ZNF33B: variants seen among roughly 807,000 people sequenced by gnomAD.
The protein encoded by ZNF33B is zinc finger protein 11b (KOX 2).
A neutral mutation model predicts 45.8 loss-of-function variants in ZNF33B; 29 were observed. The ratio of observed to expected loss-of-function variants is 0.63; its 90% confidence interval spans 0.47 to 0.86. ZNF33B has a LOEUF of 0.86. Ranked by LOEUF, ZNF33B falls within the 40% of genes least tolerant of loss-of-function variation. The pLI is 0.00. For synonymous variants in ZNF33B, 305 were observed against 307.8 expected (o/e 0.99, Z 0.10); for missense variants, 831 against 909.9 (o/e 0.91, Z 1.12).
chr10:42,580,101 T>C (rs1836802839), intron 1 of ZNF33B, among the ~76,000 whole-genome samples: 1 of 152,190 alleles, frequency 6.6e-6, no homozygotes, highest in South Asian at 2.1e-4. Context: ...ATATAGGTAA[T>C]ATGGTCACCA....
At chr10:42,631,158 A>C (rs1013208655) in intron 4 of ZNF33B, among the ~76,000 whole-genome samples, 1 of 152,074 alleles carries the variant, frequency 6.6e-6, no homozygotes, top group Admixed American at 6.6e-5. Context: ...ATACATAAAC[A>C]TAAGTATACA....
chr10:42,621,710 T>A (rs1838599744), intron 4 of ZNF33B, among the ~76,000 whole-genome samples: 1 of 152,146 alleles, frequency 6.6e-6, no homozygotes, highest in East Asian at 1.9e-4. Context: ...TTCTTCAACA[T>A]GATAAAGGGC....
chr10:42,614,668 A>C (rs1330531214), intron 4 of ZNF33B, among the ~76,000 whole-genome samples: 1 of 152,112 alleles, frequency 6.6e-6, no homozygotes, highest in African/African-American at 2.4e-5. Context: ...AAGATGTTCA[A>C]CATCAGTCCG....
intron 4 of ZNF33B, among the ~76,000 whole-genome samples, chr10:42,615,143 A>G (rs1274280427): frequency 6.6e-6 from 1 of 152,224 alleles, no homozygotes; most frequent in Admixed American, 6.5e-5. Context: ...TACTGTGGCT[A>G]CTATGAGAAA....
At chr10:42,632,861 C>A (rs1400747310) in intron 2 of ZNF33B, 2 of 186,924 alleles carry the variant, frequency 1.1e-5, no homozygotes, top group African/African-American at 4.8e-5. Flanking sequence ...CCTTCATAAG[C>A]ACGGGGCCAT....
chr10:42,623,910 G>C (rs1193629596), intron 4 of ZNF33B, among the ~76,000 whole-genome samples: 2 of 152,188 alleles, frequency 1.3e-5, no homozygotes, highest in African/African-American at 4.8e-5. Context: ...AATTTCTTTT[G>C]CATTTTTGTC....
Position 42,593,140 on chromosome 10 carries a change from T to C in ZNF33B, c.1810A>G (p.Thr604Ala). 4 of 1,613,908 alleles carry C rather than the reference T, an allele frequency of 2.5e-6. No homozygotes were observed. Among genetic ancestry groups the C allele is most frequent in the African/African-American group, 2.7e-5 (2 of 74,972 alleles). ...TTACATTCATAGGGTTTCTCCCCTGTATGTGTTCTATTATGTTTTGTTAGG... is the reference window on the plus strand; with the variant it reads ...TTACATTCATAGGGTTTCTCCCCTGCATGTGTTCTATTATGTTTTGTTAGG... ...SYLTKHNRTH[T>A]GEKPYECNEC... The change falls in exon 5 of 5, where the codon ACA becomes GCA. Residue 604 changes from threonine to alanine, a missense_variant. Physicochemically the swap from Thr to Ala is moderately conservative, Grantham distance 58. Transcript: ENST00000359467.
downstream of ZNF33B, among the ~76,000 whole-genome samples, chr10:42,586,343 G>A (rs1836935997): frequency 1.3e-5 from 2 of 152,014 alleles, no homozygotes; most frequent in African/African-American, 4.8e-5. Context: ...TAGAGACGGG[G>A]TTTCACCGTG....
downstream of ZNF33B, among the ~76,000 whole-genome samples, chr10:42,585,927 T>C (rs1836925277): frequency 6.6e-6 from 1 of 152,230 alleles, no homozygotes; most frequent in African/African-American, 2.4e-5. Flanking sequence ...ATGGCTGTCT[T>C]TCCCACAATT....
intron 4 of ZNF33B, among the ~76,000 whole-genome samples, chr10:42,615,276 T>C (rs1838266704): frequency 6.6e-6 from 1 of 152,188 alleles, no homozygotes; most frequent in Admixed American, 6.5e-5. Context: ...CATGAACAAT[T>C]ACAGCAGAAT....
chr10:42,637,516 G>C (rs924867780), intron 1 of ZNF33B, among the ~76,000 whole-genome samples: 1 of 152,144 alleles, frequency 6.6e-6, no homozygotes, highest in Non-Finnish European at 1.5e-5. Flanking sequence ...AAGTAGTACT[G>C]GCTTAGGGGT....
rs199597704 is a variant in ZNF33B at position 42,582,756 on chromosome 10, G to A, written c.74-8078C>T. The A allele has an allele frequency of 7.6e-5, 14 of 185,336 alleles. No homozygotes were observed. In the East Asian group the frequency reaches 2.0e-3, roughly 26 times the overall value. 11.5% of individuals were successfully genotyped at this position (185,336 alleles called of 1,614,324 possible). On this transcript the variant is annotated intron_variant, in intron 1 of 1. Transcript: ENST00000462075. Reference sequence around the variant, plus strand: ...TTTCAAAACCAGATAGGACACCTGAGGCTGAGCTGGCTGCAGTGTGGACGC... The same window carrying A: ...TTTCAAAACCAGATAGGACACCTGAAGCTGAGCTGGCTGCAGTGTGGACGC...
At chr10:42,578,862 C>T (rs1194275618) in intron 1 of ZNF33B, 1 of 152,226 alleles carries the variant, frequency 6.6e-6, no homozygotes, top group Non-Finnish European at 1.5e-5. Context: ...CAGAAAATGT[C>T]TGGTGTCATA....
intron 2 of ZNF33B, among the ~76,000 whole-genome samples, chr10:42,635,809 C>CA (rs35517157): frequency 0.056 from 5,793 of 102,744 alleles, 296 homozygotes; most frequent in African/African-American, 0.15. Flanking sequence ...ACTCTGTATC[C>CA]AAAAAAAAAA....
chr10:42,595,565 T>C (rs1837361174), intron 4 of ZNF33B, among the ~76,000 whole-genome samples: 1 of 152,156 alleles, frequency 6.6e-6, no homozygotes, highest in Non-Finnish European at 1.5e-5. Context: ...AGTGTGACTG[T>C]ATTTGAAGAT....
intron 4 of ZNF33B, among the ~76,000 whole-genome samples, chr10:42,595,885 T>C (rs1308650873): frequency 6.6e-6 from 1 of 152,156 alleles, no homozygotes; most frequent in Non-Finnish European, 1.5e-5. Context: ...ACCCAGTCTG[T>C]TGAATTTTGT....
At chr10:42,622,794 T>TGAAAATAAAGTTA (rs762946530) in intron 4 of ZNF33B, among the ~76,000 whole-genome samples, 1 of 152,070 alleles carries the variant, frequency 6.6e-6, no homozygotes, top group African/African-American at 2.4e-5. Context: ...GATTTCCACA[T>TGAAAATAAAGTTA]GAAAATAAAG....
chr10:42,593,384 C>T lies in ZNF33B; in HGVS notation c.1566G>A (p.Leu522=), dbSNP rs150118989. 268 of 1,613,858 alleles carry T rather than the reference C, an allele frequency of 1.7e-4. 4 individuals are homozygous for T. The African/African-American group carries it at 3.3e-3, about 20-fold the overall frequency. The change falls in exon 5 of 5, where the codon TTG becomes TTA. Residue 522 remains leucine, a synonymous_variant. Coordinates refer to ENST00000359467, the MANE Select transcript of ZNF33B (RefSeq NM_006955.3). ...CACATTCATAACATTCATAAGGTTT[C>T]AACCCTGTATGAATTATCTGATGCC... The part of the protein sequence containing the change: ...LTRHQIIHTG[L]KPYECYECGK...
intron 4 of ZNF33B, among the ~76,000 whole-genome samples, chr10:42,621,954 A>G (rs1186333185): frequency 6.6e-6 from 1 of 152,208 alleles, no homozygotes; most frequent in Non-Finnish European, 1.5e-5. Flanking sequence ...AAACTACAAG[A>G]AAGATACTAT....
Sources: gnomAD v4.1 joint callset for allele counts (sites outside exome capture counted in the v4.1 genomes callset) on GRCh38, gnomAD v4.1.1 for gene constraint, MANE v1.5 for transcripts, NCBI Gene and HGNC (gene_info 2026-07-23, HGNC 2026-07-21) for gene names.